DACH2: variants seen among roughly 807,000 people sequenced by gnomAD.
DACH2 encodes dachshund family transcription factor 2, also known as dachshund homolog 2.
A neutral mutation model predicts 35.8 loss-of-function variants in DACH2; 17 were observed. That is an observed-to-expected ratio of 0.48 (90% CI 0.33 to 0.71). DACH2 has a LOEUF of 0.71. Among genes scored for constraint, DACH2 ranks in the 30% least tolerant of loss-of-function variants. The pLI is 0.02. For synonymous variants in DACH2, 195 were observed against 177.3 expected (o/e 1.10, Z -0.79); for missense variants, 469 against 472.7 (o/e 0.99, Z 0.07).
At chrX:86,710,498 G>A (rs747050918) in intron 5 of DACH2, among the ~76,000 whole-genome samples, 8 of 112,133 alleles carry the variant, frequency 7.1e-5, no homozygotes, top group Non-Finnish European at 1.3e-4. Context: ...GCAGAGTGGA[G>A]ATATAAGGAA....
intron 7 of DACH2, among the ~76,000 whole-genome samples, chrX:86,810,423 A>C (rs1488708264): frequency 8.9e-6 from 1 of 111,895 alleles, no homozygotes; most frequent in Non-Finnish European, 1.9e-5. Context: ...TCTCTGAATC[A>C]GCAAGAAGTT....
chrX:86,668,646 C>A lies in DACH2; in HGVS notation c.772+17479C>A, dbSNP rs917953228. Among the ~76,000 whole-genome samples the A allele has an allele frequency of 2.7e-5, 3 of 111,764 alleles. No homozygotes were observed. In the Admixed American group the frequency reaches 2.9e-4, roughly 11 times the overall value. On this transcript the variant is annotated intron_variant, in intron 4 of 11. Transcript: ENST00000373125. ...GATGCTACACTGAGACCACTATCCT[C>A]CTAAATCTATATCATTTTTCATTTT...
At chrX:86,256,544 C>T (rs1477058209) in intron 1 of DACH2, among the ~76,000 whole-genome samples, 1 of 111,438 alleles carries the variant, frequency 9.0e-6, no homozygotes, top group Non-Finnish European at 1.9e-5. Flanking sequence ...TCTCCCTGTA[C>T]TTTAACCAAA....
chrX:86,665,601 G>A (rs2040658205), intron 4 of DACH2, among the ~76,000 whole-genome samples: 1 of 111,422 alleles, frequency 9.0e-6, no homozygotes, highest in South Asian at 3.7e-4. Flanking sequence ...CATATTAGCT[G>A]CTAATTTATA....
chrX:86,583,425 C>A (rs1180152169), intron 3 of DACH2, among the ~76,000 whole-genome samples: 1 of 111,191 alleles, frequency 9.0e-6, no homozygotes, highest in Non-Finnish European at 1.9e-5. Context: ...GTCAAAGTAT[C>A]TCTGTTGGCA....
At chrX:86,667,305 A>AGAAGGAAGGAAAGAAGGAAG (rs2040685108) in intron 4 of DACH2, among the ~76,000 whole-genome samples, 2 of 33,933 alleles carry the variant, frequency 5.9e-5, no homozygotes, top group East Asian at 1.5e-3. Context: ...AAGGAAGGAA[A>AGAAGGAAGGAAAGAAGGAAG]GAAGGAAGGA....
intron 3 of DACH2, among the ~76,000 whole-genome samples, chrX:86,577,966 T>C (rs1406032198): frequency 4.5e-5 from 5 of 111,966 alleles, no homozygotes; most frequent in Non-Finnish European, 9.4e-5. Flanking sequence ...TCCTTTGTAA[T>C]ATCCTTTATA....
rs759427982 is a variant in DACH2, at chrX:86,673,275, T to A, written c.773-21746T>A. ...TGGTGTGAACCTGGGAGGCGGAGCTTGCAGTGAGCCAAGATCATGCCACTG... is the reference window on the plus strand; with the variant it reads ...TGGTGTGAACCTGGGAGGCGGAGCTAGCAGTGAGCCAAGATCATGCCACTG... On this transcript the variant is annotated intron_variant, in intron 4 of 11. Transcript: ENST00000373125. 3.0e-5 allele frequency among the ~76,000 whole-genome samples: 3 copies of A among 99,529 alleles called. No individual in the cohort carries two copies. The South Asian group carries it at 1.4e-3, about 47-fold the overall frequency. The allele number at this position is 99,529 out of a possible 115,157, so 86.4% of individuals were successfully genotyped here. A position where few individuals can be genotyped will look rare whatever the true frequency, so the allele number is the denominator to read the frequency against.
At chrX:86,656,213 A>G (rs2040538663) in intron 4 of DACH2, among the ~76,000 whole-genome samples, 1 of 111,431 alleles carries the variant, frequency 9.0e-6, no homozygotes, top group East Asian at 2.8e-4. Flanking sequence ...ACATGGCTTG[A>G]GGAAATTTTA....
At position 86,806,435 on chromosome X, in the gene DACH2, G is replaced by A. The variant is rs113010442; in HGVS notation, c.1241-6421G>A. Reference sequence around the variant, plus strand: ...ATCTCCAACACTGAGGATTTTTGACGTGAGATTTGTGTAGTGACACAGGTC... The same window carrying A: ...ATCTCCAACACTGAGGATTTTTGACATGAGATTTGTGTAGTGACACAGGTC... On this transcript the variant is annotated intron_variant, in intron 7 of 11. Coordinates refer to ENST00000373125, the MANE Select transcript of DACH2 (RefSeq NM_053281.3). Among the ~76,000 whole-genome samples, 528 of 111,288 alleles carry A rather than the reference G, an allele frequency of 4.7e-3. 3 individuals are homozygous for A. Among genetic ancestry groups the A allele is most frequent in the Admixed American group, 7.0e-3 (73 of 10,480 alleles).
At chrX:86,764,001 G>A (rs2041908752) in intron 7 of DACH2, among the ~76,000 whole-genome samples, 1 of 111,488 alleles carries the variant, frequency 9.0e-6, no homozygotes, top group Non-Finnish European at 1.9e-5. Flanking sequence ...AAACTTTTTT[G>A]ACCTGTTCTT....
chrX:86,387,558 T>C (rs1335258846), intron 2 of DACH2, among the ~76,000 whole-genome samples: 3 of 111,669 alleles, frequency 2.7e-5, no homozygotes, highest in Non-Finnish European at 5.6e-5. Flanking sequence ...ATCCATAAAA[T>C]GAACCTAGGA....
intron 1 of DACH2, among the ~76,000 whole-genome samples, chrX:86,222,065 A>C (rs2147924608): frequency 9.0e-6 from 1 of 111,581 alleles, no homozygotes; most frequent in African/African-American, 3.3e-5. Flanking sequence ...CTCTTTAAAG[A>C]CTCTGTTTCC....
intron 1 of DACH2, among the ~76,000 whole-genome samples, chrX:86,153,367 A>G (rs754614538): frequency 9.0e-6 from 1 of 111,663 alleles, no homozygotes; most frequent in South Asian, 3.7e-4. Flanking sequence ...ATTTTACAAC[A>G]TTTTAAAACT....
chrX:86,799,510 T>A (rs2042271355), intron 7 of DACH2, among the ~76,000 whole-genome samples: 1 of 111,361 alleles, frequency 9.0e-6, no homozygotes, highest in Admixed American at 9.6e-5. Flanking sequence ...TTCGGACTGG[T>A]TGGACAGTGG....
intron 7 of DACH2, among the ~76,000 whole-genome samples, chrX:86,811,693 G>A (rs192302439): frequency 9.9e-4 from 110 of 111,184 alleles, no homozygotes; most frequent in African/African-American, 3.4e-3. Flanking sequence ...AATTTCTTTC[G>A]TTAACATCCC....
chrX:86,727,852 T>C (rs990984047), intron 6 of DACH2, among the ~76,000 whole-genome samples: 3 of 111,733 alleles, frequency 2.7e-5, no homozygotes, highest in Non-Finnish European at 5.6e-5. Context: ...AGGTTAACCA[T>C]TGTCAGGTAT....
intron 7 of DACH2, among the ~76,000 whole-genome samples, chrX:86,751,226 A>G (rs970544818): frequency 5.5e-4 from 61 of 111,167 alleles, no homozygotes; most frequent in Non-Finnish European, 1.5e-4. Flanking sequence ...AAAGTTCTTA[A>G]CAAAATACTG....
rs2040354966 is a variant in DACH2, at chrX:86,642,190, T to C, written c.641-8846T>C. ...AGCTGGATAAAAAAGCAAGACCCCA[T>C]AGTATTCTGTCTTTGAGAGATCCAC... On this transcript the variant is annotated intron_variant, in intron 3 of 11. Transcript: ENST00000373125. Among the ~76,000 whole-genome samples the C allele has an allele frequency of 3.6e-5, 4 of 111,248 alleles. No individual in the cohort carries two copies. The Admixed American group carries it at 3.8e-4, about 11-fold the overall frequency.
Sources: gnomAD v4.1 joint callset for allele counts (sites outside exome capture counted in the v4.1 genomes callset) on GRCh38, gnomAD v4.1.1 for gene constraint, MANE v1.5 for transcripts, NCBI Gene and HGNC (gene_info 2026-07-23, HGNC 2026-07-21) for gene names.